Variants in TENM2 observed in about 807,000 individuals in gnomAD.
TENM2 encodes teneurin-2.
TENM2 carries 52 observed loss-of-function variants against 245.2 expected under a neutral mutation model. The ratio of observed to expected loss-of-function variants is 0.21; its 90% CI spans 0.17 to 0.27. TENM2 has a LOEUF of 0.27. Ranked by LOEUF, TENM2 falls within the 10% of genes least tolerant of loss-of-function variation. The probability of loss-of-function intolerance (pLI) is 1.00; values close to 1 mark genes in which losing one functional copy is unlikely to be tolerated. For synonymous variants in TENM2, 1,363 were observed against 1,438.9 expected (o/e 0.95, Z 1.19); for missense variants, 3,046 against 3,666.8 (o/e 0.83, Z 4.37).
At chr5:167,310,765 G>C (rs191121019) in intron 1 of TENM2, among the ~76,000 whole-genome samples, 39 of 152,154 alleles carry the variant, frequency 2.6e-4, no homozygotes, top group Non-Finnish European at 4.4e-4. Flanking sequence ...CAAGTTATAG[G>C]CTGGAAAATT....
intron 2 of TENM2, among the ~76,000 whole-genome samples, chr5:167,471,661 G>A (rs576516506): frequency 7.9e-5 from 12 of 152,264 alleles, no homozygotes; most frequent in Non-Finnish European, 1.2e-4. Flanking sequence ...ACAGAACAGC[G>A]TGGCAGACTA....
At chr5:168,149,192 C>T (rs1241996888) in intron 12 of TENM2, among the ~76,000 whole-genome samples, 1 of 152,186 alleles carries the variant, frequency 6.6e-6, no homozygotes, top group Non-Finnish European at 1.5e-5. Context: ...CCTGACCTTG[C>T]AGATAGAGCT....
the TENM2 span, among the ~76,000 whole-genome samples, chr5:167,209,924 A>G: frequency 6.6e-6 from 1 of 152,346 alleles, no homozygotes; most frequent in African/African-American, 2.4e-5. Context: ...TTAGTCATAT[A>G]CAATTAACTT....
chr5:167,295,964 CTTAT>C (rs1754926775), intron 1 of TENM2, among the ~76,000 whole-genome samples: 1 of 152,108 alleles, frequency 6.6e-6, no homozygotes, highest in African/African-American at 2.4e-5. Context: ...GTAATATAGA[CTTAT>C]TTAATAAGGT....
At chr5:167,062,463 T>G in the TENM2 span, among the ~76,000 whole-genome samples, 3 of 149,112 alleles carry the variant, frequency 2.0e-5, no homozygotes, top group African/African-American at 7.5e-5. Flanking sequence ...GGATTTTAAA[T>G]GAAAAATTCA....
At chr5:167,192,120 T>C in the TENM2 span, among the ~76,000 whole-genome samples, 395 of 152,190 alleles carry the variant, frequency 2.6e-3, 3 homozygotes, top group African/African-American at 9.0e-3. Flanking sequence ...TGTTCAGTGC[T>C]CCACCTCCTT....
chr5:167,066,396 T>A, the TENM2 span, among the ~76,000 whole-genome samples: 196 of 152,240 alleles, frequency 1.3e-3, no homozygotes, highest in African/African-American at 4.6e-3. Context: ...TTTTTTTTAT[T>A]ATACTGTAAG....
chr5:167,079,317 GTATATA>G, the TENM2 span, among the ~76,000 whole-genome samples: 1 of 147,050 alleles, frequency 6.8e-6, no homozygotes, highest in African/African-American at 2.5e-5. Context: ...ATAATATAAT[GTATATA>G]TATATTTGAG....
At chr5:167,434,736 ACTCCAT>A (rs1251266116) in intron 2 of TENM2, among the ~76,000 whole-genome samples, 5 of 152,152 alleles carry the variant, frequency 3.3e-5, no homozygotes, top group African/African-American at 1.2e-4. Flanking sequence ...TAAATTCATG[ACTCCAT>A]ATTAATAAAG....
chr5:167,820,353 C>T (rs902396385), intron 2 of TENM2, among the ~76,000 whole-genome samples: 1 of 152,176 alleles, frequency 6.6e-6, no homozygotes, highest in Admixed American at 6.5e-5. Context: ...AATAATGTAG[C>T]GTACCTCGCT....
chr5:167,856,315 C>G (rs556209652), intron 2 of TENM2, among the ~76,000 whole-genome samples: 1 of 152,014 alleles, frequency 6.6e-6, no homozygotes, highest in Admixed American at 6.5e-5. Flanking sequence ...GTTTGCACCA[C>G]GCTTTGAGAT....
At chr5:167,335,434 T>C (rs1193200410) in intron 1 of TENM2, among the ~76,000 whole-genome samples, 1 of 152,180 alleles carries the variant, frequency 6.6e-6, no homozygotes, top group Non-Finnish European at 1.5e-5. Context: ...CAGATCCAAA[T>C]ATCAGTTGGC....
the TENM2 span, among the ~76,000 whole-genome samples, chr5:167,220,306 C>T: frequency 6.6e-6 from 1 of 152,144 alleles, no homozygotes; most frequent in Non-Finnish European, 1.5e-5. Context: ...GTTTTTGGCA[C>T]TTATAGACAC....
chr5:167,755,205 G>A, intron 2 of TENM2: 2 of 1,592,596 alleles, frequency 1.3e-6, no homozygotes. Context: ...AAGGATGATG[G>A]ATGTGCATGC....
intron 5 of TENM2, among the ~76,000 whole-genome samples, chr5:168,008,012 ATAT>A (rs1437807929): frequency 6.6e-6 from 1 of 152,078 alleles, no homozygotes; most frequent in Non-Finnish European, 1.5e-5. Flanking sequence ...CTTTGTTTTA[ATAT>A]TATTATTGTT....
the TENM2 span, among the ~76,000 whole-genome samples, chr5:167,081,131 A>G: frequency 4.6e-5 from 7 of 151,960 alleles, no homozygotes; most frequent in East Asian, 2.0e-4. Context: ...GAAAAAATCA[A>G]TATCTTCAAG....
the TENM2 span, among the ~76,000 whole-genome samples, chr5:167,205,183 C>A: frequency 1.3e-5 from 2 of 152,254 alleles, no homozygotes; most frequent in East Asian, 3.9e-4. Context: ...GAGTTTGAGA[C>A]CAGCCTGGTC....
the TENM2 span, among the ~76,000 whole-genome samples, chr5:167,207,196 TG>T: frequency 6.6e-6 from 1 of 152,192 alleles, no homozygotes; most frequent in South Asian, 2.1e-4. Context: ...GGTGAGAAAT[TG>T]GCAGACTTCC....
the TENM2 span, among the ~76,000 whole-genome samples, chr5:167,185,921 G>C: frequency 1.3e-5 from 2 of 152,112 alleles, no homozygotes; most frequent in Non-Finnish European, 2.9e-5. Flanking sequence ...ACTACCCGCT[G>C]CTCCCACCAA....
Sources: gnomAD v4.1 joint callset for allele counts (sites outside exome capture counted in the v4.1 genomes callset) on GRCh38, gnomAD v4.1.1 for gene constraint, MANE v1.5 for transcripts, NCBI Gene and HGNC (gene_info 2026-07-23, HGNC 2026-07-21) for gene names.